The following CNIH3 variants were observed in gnomAD, a reference collection of about 807,000 sequenced individuals.
CNIH3 encodes cornichon family AMPA receptor auxiliary protein 3.
CNIH3 carries 14 observed loss-of-function variants against 24.1 expected under a neutral mutation model. The ratio of observed to expected loss-of-function variants is 0.58; its 90% CI spans 0.38 to 0.91. The LOEUF (loss-of-function observed/expected upper bound fraction) is 0.91. CNIH3 is among the 40% of genes least tolerant of loss of function. The pLI is 0.00. For missense variants in CNIH3, 178 were observed against 196.8 expected, an observed-to-expected ratio of 0.90 and a Z score of 0.57; for synonymous variants, 68 against 73.8, an observed-to-expected ratio of 0.92 and a Z score of 0.40.
chr1:224,550,707 CTTTTT>C (rs553234641), intron 3 of CNIH3, among the ~76,000 whole-genome samples: 3 of 151,926 alleles, frequency 2.0e-5, no homozygotes, highest in Non-Finnish European at 4.4e-5. Flanking sequence ...TATTTCTTTT[CTTTTT>C]TTTATTATAC....
chr1:224,739,540 T>C lies in CNIH3; in HGVS notation c.*184T>C. On this transcript the variant is annotated 3_prime_UTR_variant, in exon 6 of 6. Transcript: ENST00000272133. ...CTGGGAGCCGAGTTAACCCTGCGTG[T>C]CTGTGTCACCCTGTTTGTCAATCTT... 9.2e-7 allele frequency: 1 copy of C among 1,082,728 alleles called. No individual in the cohort carries two copies. 67.1% of individuals were successfully genotyped at this position (1,082,728 alleles called of 1,614,324 possible). A position where few individuals can be genotyped will look rare whatever the true frequency, so the allele number is the denominator to read the frequency against.
downstream of CNIH3, among the ~76,000 whole-genome samples, chr1:224,538,082 T>C (rs558608233): frequency 6.6e-6 from 1 of 151,910 alleles, no homozygotes; most frequent in East Asian, 1.9e-4. Context: ...TCCCGAGTAG[T>C]TGGCATTACA....
At chr1:224,500,819 C>T (rs1480450794) in intron 1 of CNIH3, among the ~76,000 whole-genome samples, 3 of 152,186 alleles carry the variant, frequency 2.0e-5, no homozygotes, top group Non-Finnish European at 2.9e-5. Context: ...ACCTGCTGCA[C>T]GATTTCCCTT....
chr1:224,728,130 G>A (rs1689131237), intron 3 of CNIH3, among the ~76,000 whole-genome samples: 4 of 152,204 alleles, frequency 2.6e-5, no homozygotes. Flanking sequence ...GAGAAATAAT[G>A]GATGATTCAG....
chr1:224,475,199 A>G, intron 1 of CNIH3, among the ~76,000 whole-genome samples: 1 of 149,882 alleles, frequency 6.7e-6, no homozygotes, highest in Non-Finnish European at 1.5e-5. Flanking sequence ...TACTAAAACT[A>G]CAGAAAATTA....
intron 1 of CNIH3, among the ~76,000 whole-genome samples, chr1:224,465,547 A>C (rs1391429652): frequency 6.6e-6 from 1 of 152,222 alleles, no homozygotes; most frequent in Non-Finnish European, 1.5e-5. Context: ...CGTTTTACTT[A>C]CACATTTGTT....
intron 1 of CNIH3, among the ~76,000 whole-genome samples, chr1:224,488,678 G>A (rs893728445): frequency 2.6e-5 from 4 of 152,080 alleles, no homozygotes; most frequent in African/African-American, 9.7e-5. Flanking sequence ...ATGTCACCCA[G>A]ACTAGTCTCA....
At chr1:224,439,417 G>A (rs1039910048) in intron 1 of CNIH3, among the ~76,000 whole-genome samples, 4 of 152,000 alleles carry the variant, frequency 2.6e-5, no homozygotes, top group African/African-American at 9.7e-5. Context: ...AAATAACAAT[G>A]TTGCAGGAAA....
downstream of CNIH3, among the ~76,000 whole-genome samples, chr1:224,541,473 A>G (rs1265664028): frequency 1.3e-5 from 2 of 152,214 alleles, no homozygotes; most frequent in Non-Finnish European, 2.9e-5. Context: ...CAAAAGTTAG[A>G]TAAGAGGAAA....
intron 1 of CNIH3, among the ~76,000 whole-genome samples, chr1:224,466,937 A>G (rs983409364): frequency 6.6e-6 from 1 of 152,118 alleles, no homozygotes; most frequent in African/African-American, 2.4e-5. Context: ...TTGCTTTTCT[A>G]CTGTTGAGTT....
At chr1:224,502,328 C>T (rs746356427) in intron 1 of CNIH3, among the ~76,000 whole-genome samples, 2 of 152,028 alleles carry the variant, frequency 1.3e-5, no homozygotes, top group African/African-American at 2.4e-5. Context: ...AGAAGTATCT[C>T]GTGATAGAGA....
At chr1:224,719,714 C>T (rs898549084) in intron 3 of CNIH3, among the ~76,000 whole-genome samples, 4 of 152,042 alleles carry the variant, frequency 2.6e-5, no homozygotes, top group Non-Finnish European at 4.4e-5. Flanking sequence ...AATGGTTTAC[C>T]GAAGTTTCTG....
upstream of CNIH3, among the ~76,000 whole-genome samples, chr1:224,513,533 A>AGTTCAGAT (rs1337702310): frequency 6.6e-6 from 1 of 152,112 alleles, no homozygotes; most frequent in African/African-American, 2.4e-5. Context: ...TCCCAGCCTC[A>AGTTCAGAT]GTTCAGATGC....
At chr1:224,701,483 C>T (rs1251419126) in intron 3 of CNIH3, among the ~76,000 whole-genome samples, 2 of 152,134 alleles carry the variant, frequency 1.3e-5, no homozygotes, top group Admixed American at 6.5e-5. Flanking sequence ...ACACTAATCC[C>T]ATTCACGAGG....
intron 4 of CNIH3, among the ~76,000 whole-genome samples, chr1:224,573,498 G>A (rs968327824): frequency 6.6e-6 from 1 of 152,188 alleles, no homozygotes; most frequent in African/African-American, 2.4e-5. Context: ...AAGGCTGGAA[G>A]TTATTGACAC....
At chr1:224,659,646 G>A (rs1410806322) in intron 1 of CNIH3, among the ~76,000 whole-genome samples, 1 of 152,180 alleles carries the variant, frequency 6.6e-6, no homozygotes, top group East Asian at 1.9e-4. Context: ...AGCATGAGAA[G>A]TTTGCCAGTT....
At chr1:224,476,976 T>C (rs1398359079) in intron 1 of CNIH3, among the ~76,000 whole-genome samples, 2 of 152,192 alleles carry the variant, frequency 1.3e-5, no homozygotes, top group Non-Finnish European at 2.9e-5. Flanking sequence ...GTTACAGGCC[T>C]CACCCTGCTC....
chr1:224,574,870 G>A, intron 4 of CNIH3: 1 of 993,564 alleles, frequency 1.0e-6, no homozygotes, highest in South Asian at 1.3e-5. Context: ...ACATGGGCGG[G>A]CATGGAAGAG....
chr1:224,650,504 C>G (rs1308096107), intron 1 of CNIH3, among the ~76,000 whole-genome samples: 3 of 152,012 alleles, frequency 2.0e-5, no homozygotes, highest in Non-Finnish European at 4.4e-5. Flanking sequence ...TCTGTTCCCT[C>G]ACACAGGATA....
Sources: allele counts gnomAD v4.1 joint callset (sites outside exome capture counted in the v4.1 genomes callset), GRCh38; gene constraint gnomAD v4.1.1; transcripts MANE v1.5; gene names NCBI Gene and HGNC (gene_info 2026-07-23, HGNC 2026-07-21).